SAMD12: variants seen among roughly 807,000 people sequenced by gnomAD.
SAMD12 encodes sterile alpha motif domain-containing protein 12.
In SAMD12, 9 loss-of-function variants were observed where a neutral mutation model predicts 15.0. That is an observed-to-expected ratio of 0.60 (90% CI 0.36 to 1.05). SAMD12 has a LOEUF of 1.05. Ranked by LOEUF, SAMD12 falls within the 50% of genes least tolerant of loss-of-function variation. SAMD12 has a pLI of 0.01. For synonymous variants in SAMD12, 86 were observed against 90.1 expected, an observed-to-expected ratio of 0.96 and a Z score of 0.25; for missense variants, 230 against 234.2, an observed-to-expected ratio of 0.98 and a Z score of 0.12.
At chr8:118,584,738 ATGCCCTTTTGAAG>A (rs1827388579) in intron 1 of SAMD12, among the ~76,000 whole-genome samples, 1 of 152,214 alleles carries the variant, frequency 6.6e-6, no homozygotes, top group Admixed American at 6.5e-5. Flanking sequence ...TTGTTTTGAA[ATGCCCTTTTGAAG>A]GCACCATGTT....
chr8:118,220,976 C>T (rs928770183), intron 4 of SAMD12, among the ~76,000 whole-genome samples: 7 of 151,030 alleles, frequency 4.6e-5, no homozygotes, highest in Non-Finnish European at 8.8e-5. Flanking sequence ...TGGTGGAATA[C>T]GAAGATATGA....
At chr8:118,539,972 T>A (rs1825945359) in intron 2 of SAMD12, among the ~76,000 whole-genome samples, 1 of 152,226 alleles carries the variant, frequency 6.6e-6, no homozygotes, top group Admixed American at 6.5e-5. Context: ...ATGTGAAAGA[T>A]GTTGTTTCAG....
intron 4 of SAMD12, among the ~76,000 whole-genome samples, chr8:118,309,384 G>GTGTA (rs199648591): frequency 0.02 from 2,954 of 148,860 alleles, 89 homozygotes; most frequent in African/African-American, 0.069. Flanking sequence ...ATATATATGT[G>GTGTA]TGTGTGTGTG....
At chr8:118,135,089 A>G in the SAMD12 span, among the ~76,000 whole-genome samples, 1 of 152,224 alleles carries the variant, frequency 6.6e-6, no homozygotes, top group African/African-American at 2.4e-5. Context: ...GCTAGAGAAA[A>G]TGACAACTGT....
At chr8:118,216,967 C>T (rs544418932) in intron 4 of SAMD12, among the ~76,000 whole-genome samples, 13 of 152,108 alleles carry the variant, frequency 8.5e-5, no homozygotes, top group South Asian at 8.3e-4. Flanking sequence ...TTTTCCTCTC[C>T]GCATTCATCG....
intron 2 of SAMD12, among the ~76,000 whole-genome samples, chr8:118,496,565 T>C (rs1456478578): frequency 6.6e-6 from 1 of 151,992 alleles, no homozygotes; most frequent in Non-Finnish European, 1.5e-5. Context: ...CATACAAAAA[T>C]CAACTCAAGA....
At chr8:118,231,434 G>T (rs1812308529) in intron 4 of SAMD12, among the ~76,000 whole-genome samples, 1 of 152,078 alleles carries the variant, frequency 6.6e-6, no homozygotes, top group South Asian at 2.1e-4. Context: ...CATATTCATT[G>T]AACAGAACCT....
intron 3 of SAMD12, among the ~76,000 whole-genome samples, chr8:118,436,425 A>G (rs60649741): frequency 0.017 from 2,636 of 152,314 alleles, 64 homozygotes; most frequent in African/African-American, 0.047. Context: ...ACTCAGACCT[A>G]TGATCAGAAA....
the SAMD12 span, among the ~76,000 whole-genome samples, chr8:118,153,606 C>A: frequency 1.3e-5 from 2 of 152,146 alleles, no homozygotes; most frequent in African/African-American, 4.8e-5. Flanking sequence ...ATGCTCCAGG[C>A]ACATTCTTCT....
At chr8:118,240,712 T>G (rs1268197172) in intron 4 of SAMD12, among the ~76,000 whole-genome samples, 1 of 152,190 alleles carries the variant, frequency 6.6e-6, no homozygotes, top group Admixed American at 6.5e-5. Flanking sequence ...CTGATTCTTC[T>G]TAAAGTGCCG....
rs190854637 is a variant in SAMD12, at chr8:118,527,126, C to G, written c.192+53589G>C. On this transcript the variant is annotated intron_variant, in intron 2 of 3. Coordinates refer to ENST00000314727, the MANE Select transcript of SAMD12 (RefSeq NM_207506.3). ...TTCTGATCCTTCCCTTCTCTTCATT[C>G]TCCCTGTCACTGGCTTGAGGCCACA... Among the ~76,000 whole-genome samples, 204 of 152,298 alleles carry G rather than the reference C, an allele frequency of 1.3e-3. 1 individual carries two copies. Among genetic ancestry groups the G allele is most frequent in the Non-Finnish European group, 1.2e-4 (8 of 68,024 alleles).
chr8:118,444,068 T>G (rs1822833782), intron 2 of SAMD12, among the ~76,000 whole-genome samples: 1 of 152,214 alleles, frequency 6.6e-6, no homozygotes, highest in Admixed American at 6.5e-5. Flanking sequence ...AGAGGATGAC[T>G]TTCTCTGATA....
intron 2 of SAMD12, among the ~76,000 whole-genome samples, chr8:118,486,352 C>T (rs1048907397): frequency 6.6e-6 from 1 of 151,386 alleles, no homozygotes; most frequent in South Asian, 2.1e-4. Flanking sequence ...GGAGGTAGAG[C>T]TTGCAGTGAG....
intron 4 of SAMD12, among the ~76,000 whole-genome samples, chr8:118,228,203 C>T (rs868544786): frequency 6.6e-6 from 1 of 152,234 alleles, no homozygotes; most frequent in South Asian, 2.1e-4. Context: ...TGGAAAAACC[C>T]TTGTGGATAT....
At chr8:118,197,506 T>C (rs1819598504) in exon 5 of SAMD12, 1 of 626,082 alleles carries the variant, frequency 1.6e-6, no homozygotes, top group South Asian at 1.9e-5. Flanking sequence ...CATTATATTA[T>C]GCACCTCATT....
intron 4 of SAMD12, among the ~76,000 whole-genome samples, chr8:118,362,705 T>G (rs965622591): frequency 6.6e-6 from 1 of 152,222 alleles, no homozygotes; most frequent in Non-Finnish European, 1.5e-5. Context: ...TAGCAGATAC[T>G]TCAAACCCTC....
At chr8:118,399,346 T>G (rs1375005360) in intron 3 of SAMD12, among the ~76,000 whole-genome samples, 1 of 152,140 alleles carries the variant, frequency 6.6e-6, no homozygotes, top group East Asian at 1.9e-4. Context: ...TGGTATGGAC[T>G]TCATGTGGTG....
At chr8:118,241,627 G>A (rs1297116870) in intron 4 of SAMD12, among the ~76,000 whole-genome samples, 1 of 152,132 alleles carries the variant, frequency 6.6e-6, no homozygotes, top group African/African-American at 2.4e-5. Context: ...CCTGTTTGTT[G>A]TGGCGTGGCA....
At chr8:118,229,204 G>A (rs1022867670) in intron 4 of SAMD12, among the ~76,000 whole-genome samples, 5 of 151,838 alleles carry the variant, frequency 3.3e-5, no homozygotes, top group African/African-American at 1.2e-4. Context: ...TGGGTGATGG[G>A]TGCGCCAAAA....
Sources: allele counts gnomAD v4.1 joint callset (sites outside exome capture counted in the v4.1 genomes callset), GRCh38; gene constraint gnomAD v4.1.1; transcripts MANE v1.5; gene names NCBI Gene and HGNC (gene_info 2026-07-23, HGNC 2026-07-21).